Variants in PI4KA observed in about 807,000 individuals in gnomAD.
The protein encoded by PI4KA is PI4-kinase alpha.
In PI4KA, 122 loss-of-function variants were observed where a neutral mutation model predicts 271.4. The observed-to-expected ratio is 0.45, with a 90% CI of 0.39 to 0.52. The LOEUF is 0.52. Ranked by LOEUF, PI4KA falls within the 20% of genes least tolerant of loss-of-function variation. The probability of loss-of-function intolerance (pLI) is 0.00; values close to 1 mark genes in which losing one functional copy is unlikely to be tolerated. For synonymous variants in PI4KA, 1,041 were observed against 1,078.8 expected (o/e 0.96, Z 0.69); for missense variants, 1,969 against 2,769.1 (o/e 0.71, Z 6.48).
chr22:20,771,040 A>C (rs1047650201), intron 19 of PI4KA, among the ~76,000 whole-genome samples: 2 of 152,092 alleles, frequency 1.3e-5, no homozygotes, highest in African/African-American at 4.8e-5. Flanking sequence ...TTTTTTTCCA[A>C]GTTGGAAAAA....
intron 2 of PI4KA, among the ~76,000 whole-genome samples, chr22:20,835,394 T>A (rs540941403): frequency 6.6e-6 from 1 of 152,174 alleles, no homozygotes; most frequent in Non-Finnish European, 1.5e-5. Flanking sequence ...TATTTGATGT[T>A]TTGAAATGCT....
chr22:20,753,707 G>A (rs1930964882), intron 23 of PI4KA, among the ~76,000 whole-genome samples: 1 of 151,926 alleles, frequency 6.6e-6, no homozygotes, highest in African/African-American at 2.4e-5. Flanking sequence ...TTTTTTTTGA[G>A]ATTGAATCTC....
intron 36 of PI4KA, 151 bp from the exon 37 acceptor site, chr22:20,730,162 T>C: frequency 2.6e-6 from 2 of 781,564 alleles, no homozygotes; most frequent in South Asian, 3.8e-5. Context: ...CAAATCTGTC[T>C]GGATGGTGGG....
intron 40 of PI4KA, 130 bp downstream of exon 40, chr22:20,727,644 G>A: frequency 1.4e-6 from 1 of 738,512 alleles, no homozygotes; most frequent in Non-Finnish European, 2.3e-6. Context: ...CAGGAAATCA[G>A]AAAAACCATG....
intron 32 of PI4KA, among the ~76,000 whole-genome samples, chr22:20,738,735 A>G (rs145850800): frequency 1.0e-3 from 155 of 152,134 alleles, no homozygotes; most frequent in Middle Eastern, 3.4e-3. Flanking sequence ...TGCAAGCTGG[A>G]CTCCAAAAGA....
chr22:20,842,234 T>C (rs539033000), intron 1 of PI4KA, among the ~76,000 whole-genome samples: 1 of 151,238 alleles, frequency 6.6e-6, no homozygotes, highest in South Asian at 2.1e-4. Flanking sequence ...TCTCAATATA[T>C]ACATATTAAA....
At chr22:20,761,072 T>C (rs77949402) in intron 23 of PI4KA, among the ~76,000 whole-genome samples, 3 of 152,032 alleles carry the variant, frequency 2.0e-5, no homozygotes, top group East Asian at 3.9e-4. Context: ...TGGAGCACAC[T>C]TGAGCATAGA....
intron 19 of PI4KA, among the ~76,000 whole-genome samples, chr22:20,775,460 A>AAC (rs930178477): frequency 1.3e-5 from 2 of 152,240 alleles, no homozygotes; most frequent in African/African-American, 2.4e-5. Flanking sequence ...ATAATGTGGG[A>AAC]ACAGGGTATA....
At position 20,712,771 on chromosome 22, in the gene PI4KA, G is replaced by A. The variant is rs1343141783; in HGVS notation, c.5598C>T (p.Asp1866=). Residue 1866 remains aspartate (D), a synonymous_variant, in exon 49 of 55, where the codon GAC becomes GAT. Coordinates refer to ENST00000255882, the MANE Select transcript of PI4KA (RefSeq NM_058004.4). ...CCAGCTGGAAGATGTTCTTGAAGAG[G>A]TCGATGATCTGCAGGGCCAGCATGT... ...RQDMLALQII[D]LFKNIFQLVG... is the part of the protein sequence containing the mutation. 5.8e-6 allele frequency: 9 copies of A among 1,550,358 alleles called. No homozygotes were observed. In the East Asian group the frequency reaches 9.7e-5, roughly 17 times the overall value.
chr22:20,848,237 C>CAAGA (rs1569099398), intron 1 of PI4KA, among the ~76,000 whole-genome samples: 1 of 51,220 alleles, frequency 2.0e-5, no homozygotes, highest in Non-Finnish European at 3.9e-5. Flanking sequence ...GACTCCATCT[C>CAAGA]AAAAAAAAAA....
chr22:20,779,922 A>T, intron 19 of PI4KA: 1 of 1,614,224 alleles, frequency 6.2e-7, no homozygotes, highest in South Asian at 1.1e-5. Flanking sequence ...TCTCTTCCGT[A>T]AGCTGACTCA....
At chr22:20,826,967 A>G (rs1923503849) in intron 3 of PI4KA, among the ~76,000 whole-genome samples, 1 of 152,098 alleles carries the variant, frequency 6.6e-6, no homozygotes. Flanking sequence ...TAGTTTGCAA[A>G]TATTTTCTTT....
chr22:20,742,087 G>C (rs919302707), intron 32 of PI4KA, 141 bp downstream of exon 32: 1 of 793,540 alleles, frequency 1.3e-6, no homozygotes, highest in Non-Finnish European at 2.0e-6. Flanking sequence ...TATAATAATA[G>C]AATCTGTAAG....
intron 23 of PI4KA, among the ~76,000 whole-genome samples, chr22:20,755,020 C>T (rs925551309): frequency 1.3e-5 from 2 of 151,948 alleles, no homozygotes; most frequent in African/African-American, 4.8e-5. Flanking sequence ...AACTCCTGGG[C>T]TCAAGCAATC....
In PI4KA at chr22:20,838,627, T is replaced by C; in HGVS notation, c.261A>G (p.Glu87=). The C allele has an allele frequency of 6.3e-7, 1 of 1,594,408 alleles. No individual in the cohort carries two copies. The highest frequency in any genetic ancestry group is 8.6e-7 in the Non-Finnish European group (1 of 1,162,104). ...AVIALGIFLI[E]SDLQHKDCVV... is the part of the protein sequence containing the mutation. The stretch of plus-strand genomic sequence containing the variant: ...CATGAAGACTTACCTGAAGATCAGA[T>C]TCAATCAGAAAAATGCCCAATGCAA... Residue 87 remains glutamate (E), a synonymous_variant, in exon 2 of 55, where the codon GAA becomes GAG. Coordinates refer to ENST00000255882, the MANE Select transcript of PI4KA (RefSeq NM_058004.4).
At chr22:20,851,633 C>T (rs178062) in intron 1 of PI4KA, among the ~76,000 whole-genome samples, 74,107 of 152,018 alleles carry the variant, frequency 0.49, 18,580 homozygotes, top group African/African-American at 0.59. Flanking sequence ...CCACTGTGCC[C>T]GGCTGCGTTG....
rs361792 is a variant in PI4KA at position 20,808,589 on chromosome 22, CAA to C, written c.1072-1133_1072-1132del. Among the ~76,000 whole-genome samples the C allele has an allele frequency of 1.6e-3, 172 of 104,594 alleles. 1 individual carries two copies. Among genetic ancestry groups the C allele is most frequent in the African/African-American group, 3.0e-3 (86 of 29,018 alleles). 68.6% of individuals were successfully genotyped at this position (104,594 alleles called of 152,430 possible). A position where few individuals can be genotyped will look rare whatever the true frequency, so the allele number is the denominator to read the frequency against. On this transcript the variant is annotated intron_variant, in intron 9 of 54. Transcript: ENST00000255882. ...TGGGTGACAGAGTGAGACTCCGTCTCAAAAAAAAAAAAAAAAAGATAACAGTC... is the reference window on the plus strand; with the variant it reads ...TGGGTGACAGAGTGAGACTCCGTCTCAAAAAAAAAAAAAAAGATAACAGTC...
At chr22:20,779,431 C>G in intron 19 of PI4KA, 1 of 1,614,194 alleles carries the variant, frequency 6.2e-7, no homozygotes, top group African/African-American at 1.3e-5. Flanking sequence ...TCTGCAGATC[C>G]CCAGTGGGAG....
chr22:20,798,464 T>A, intron 17 of PI4KA, 120 bp downstream of exon 17: 1 of 754,518 alleles, frequency 1.3e-6, no homozygotes, highest in East Asian at 2.5e-5. Context: ...TGTGCACTGA[T>A]CTGTAGCATA....
Sources: allele counts gnomAD v4.1 joint callset (sites outside exome capture counted in the v4.1 genomes callset), GRCh38; gene constraint gnomAD v4.1.1; transcripts MANE v1.5; gene names NCBI Gene and HGNC (gene_info 2026-07-23, HGNC 2026-07-21).